SCFD1: variants seen among roughly 807,000 people sequenced by gnomAD.
SCFD1 encodes the protein sec1 family domain containing 1, also known as sec1 family domain-containing protein 1.
SCFD1 carries 37 observed loss-of-function variants against 103.2 expected under a neutral mutation model. The observed-to-expected ratio is 0.36, with a 90% CI of 0.28 to 0.47. The LOEUF (loss-of-function observed/expected upper bound fraction) is 0.47. SCFD1 is among the 20% of genes least tolerant of loss of function. The pLI, the probability that SCFD1 is intolerant of heterozygous loss-of-function variation, is 1.00. For missense variants in SCFD1, 639 were observed against 761.2 expected (o/e 0.84, Z 1.89); for synonymous variants, 264 against 245.0 (o/e 1.08, Z -0.73).
chr14:30,699,123 C>G lies in SCFD1; in HGVS notation c.1340-1065C>G, dbSNP rs1426124954. The stretch of plus-strand genomic sequence containing the variant: ...TTAACAGGACCTGGAGTCTCATAAC[C>G]TAATATTCCAAATGCCCCAAATACA... On this transcript the variant is annotated intron_variant, in intron 15 of 24. Transcript: ENST00000458591. Among the ~76,000 whole-genome samples, 3 of 152,166 alleles carry G rather than the reference C, an allele frequency of 2.0e-5. 1 individual carries two copies. Among genetic ancestry groups the G allele is most frequent in the Admixed American group, 1.3e-4 (2 of 15,270 alleles).
At chr14:30,623,673 C>G (rs529056581) in intron 1 of SCFD1, among the ~76,000 whole-genome samples, 2 of 152,214 alleles carry the variant, frequency 1.3e-5, no homozygotes, top group African/African-American at 4.8e-5. Flanking sequence ...ATTTGCGTGG[C>G]CGTAAACTTG....
intron 10 of SCFD1, among the ~76,000 whole-genome samples, chr14:30,659,967 T>G (rs1168642000): frequency 6.6e-6 from 1 of 152,234 alleles, no homozygotes; most frequent in Non-Finnish European, 1.5e-5. Context: ...CCTGGTATTA[T>G]ATGATCTAAG....
At chr14:30,648,147 T>C (rs1301525561) in intron 7 of SCFD1, among the ~76,000 whole-genome samples, 1 of 152,212 alleles carries the variant, frequency 6.6e-6, no homozygotes, top group African/African-American at 2.4e-5. Context: ...TTTCTAATTC[T>C]AATGGGGGTT....
At chr14:30,643,989 A>G (rs1223094322) in intron 7 of SCFD1, 3 of 456,318 alleles carry the variant, frequency 6.6e-6, no homozygotes, top group Non-Finnish European at 1.3e-5. Context: ...CCTGATAGGG[A>G]GTTTTTTGAC....
chr14:30,705,310 A>C (rs1027255519), intron 17 of SCFD1, among the ~76,000 whole-genome samples: 1 of 152,248 alleles, frequency 6.6e-6, no homozygotes, highest in African/African-American at 2.4e-5. Flanking sequence ...AAAGGCATGT[A>C]CCTGGAAACA....
chr14:30,662,681 T>C (rs1293912412), intron 10 of SCFD1, among the ~76,000 whole-genome samples: 2 of 152,234 alleles, frequency 1.3e-5, no homozygotes, highest in African/African-American at 4.8e-5. Context: ...AAATAAAAGA[T>C]ATTTTTATTT....
chr14:30,730,363 G>C (rs1893366213), intron 23 of SCFD1, among the ~76,000 whole-genome samples: 1 of 152,098 alleles, frequency 6.6e-6, no homozygotes, highest in South Asian at 2.1e-4. Flanking sequence ...TAATCCTTTG[G>C]GTATATACCC....
chr14:30,707,774 C>A, intron 18 of SCFD1: 1 of 597,352 alleles, frequency 1.7e-6, no homozygotes, highest in Non-Finnish European at 3.1e-6. Flanking sequence ...ATTGACTAAT[C>A]AGAGTATTTT....
At chr14:30,672,871 T>C (rs1002462072) in intron 11 of SCFD1, among the ~76,000 whole-genome samples, 4 of 152,188 alleles carry the variant, frequency 2.6e-5, no homozygotes, top group African/African-American at 9.7e-5. Flanking sequence ...TGACATGACG[T>C]GTTAATTTGG....
intron 7 of SCFD1, among the ~76,000 whole-genome samples, chr14:30,645,082 A>G (rs936745626): frequency 6.6e-6 from 1 of 152,166 alleles, no homozygotes; most frequent in African/African-American, 2.4e-5. Context: ...CACTTACTGA[A>G]TAGGGAGTTC....
chr14:30,661,966 C>T (rs1356715824), intron 10 of SCFD1, among the ~76,000 whole-genome samples: 1 of 152,048 alleles, frequency 6.6e-6, no homozygotes, highest in East Asian at 1.9e-4. Flanking sequence ...AGAATTCTAT[C>T]TTCTGTTTAA....
rs114476653 is a variant in SCFD1 at position 30,655,259 on chromosome 14, A to G, written c.855+1671A>G. Among the ~76,000 whole-genome samples the G allele has an allele frequency of 5.6e-3, 860 of 152,308 alleles. 10 individuals are homozygous for G. The highest frequency in any genetic ancestry group is 0.019 in the African/African-American group (782 of 41,572). On this transcript the variant is annotated intron_variant, in intron 10 of 24. Coordinates refer to ENST00000458591, the MANE Select transcript of SCFD1 (RefSeq NM_016106.4). ...AGGTAAGGTAGTGAATTATATAGCT[A>G]TGTGGGAAAAGAACATAAGCAGAAG...
In SCFD1 at chr14:30,643,319, T is replaced by C; in HGVS notation, c.527T>C (p.Ile176Thr). The change falls in exon 7 of 25, where the codon ATT becomes ACT. Residue 176 changes from isoleucine to threonine, a missense_variant. Transcript: ENST00000458591. ...TCCTTTTCCTATGTCATTTTAGCCA[T>C]TAACAGGCCAGATATCACAGACACG... Reference protein sequence around the residue: ...QNKELVSYRAINRPDITDTEM... With the variant: ...QNKELVSYRATNRPDITDTEM... 6.2e-7 allele frequency: 1 copy of C among 1,607,480 alleles called. No homozygotes were observed.
chr14:30,629,579 T>C (rs1273871027), intron 2 of SCFD1, among the ~76,000 whole-genome samples: 1 of 121,746 alleles, frequency 8.2e-6, no homozygotes, highest in Non-Finnish European at 2.0e-5. Flanking sequence ...GGGACTTAAT[T>C]TTTTTTTTTT....
intron 10 of SCFD1, among the ~76,000 whole-genome samples, chr14:30,665,355 C>T (rs968356755): frequency 6.6e-6 from 1 of 152,140 alleles, no homozygotes; most frequent in Admixed American, 6.5e-5. Flanking sequence ...GAGATTTTGT[C>T]ACTACCAGGC....
At chr14:30,734,479 G>A (rs774204831) in intron 23 of SCFD1, 40 of 330,742 alleles carry the variant, frequency 1.2e-4, no homozygotes, top group Non-Finnish European at 2.3e-4. Flanking sequence ...GTTGTTCTAA[G>A]ATTTTATAGG....
chr14:30,731,889 T>C lies in SCFD1; in HGVS notation c.1837-2901T>C, dbSNP rs149086117. Among the ~76,000 whole-genome samples, 169 of 152,318 alleles carry C rather than the reference T, an allele frequency of 1.1e-3. 2 individuals are homozygous for C. The East Asian group carries it at 0.025, about 23-fold the overall frequency. The stretch of plus-strand genomic sequence containing the variant: ...GCCCTGGCCAGAACTTCCAACACTA[T>C]GTTGAATAGGAGAGGTGAGAGAGGG... On this transcript the variant is annotated intron_variant, in intron 23 of 24. Transcript: ENST00000458591.
At chr14:30,652,213 CT>C (rs930936068) in intron 9 of SCFD1, 3 of 152,084 alleles carry the variant, frequency 2.0e-5, no homozygotes, top group Non-Finnish European at 4.4e-5. Context: ...ATAGTGATGC[CT>C]TTTGAAAAGT....
chr14:30,632,776 A>G (rs1285574334), intron 3 of SCFD1, among the ~76,000 whole-genome samples: 1 of 152,206 alleles, frequency 6.6e-6, no homozygotes, highest in Non-Finnish European at 1.5e-5. Flanking sequence ...TTGCTTGACC[A>G]CTAATTCTGT....
Sources: gnomAD v4.1 joint callset for allele counts (sites outside exome capture counted in the v4.1 genomes callset) on GRCh38, gnomAD v4.1.1 for gene constraint, MANE v1.5 for transcripts, NCBI Gene and HGNC (gene_info 2026-07-23, HGNC 2026-07-21) for gene names.